ABCB5: variants seen among roughly 807,000 people sequenced by gnomAD.
ABCB5 encodes ATP binding cassette subfamily B member 5.
In ABCB5, 155 loss-of-function variants were observed where a neutral mutation model predicts 144.2. That is an observed-to-expected ratio of 1.08 (90% confidence interval 0.94 to 1.23). The LOEUF is 1.23. Among genes scored for constraint, ABCB5 ranks in the 50% most tolerant of loss-of-function variants. ABCB5 has a pLI of 0.00. For synonymous variants in ABCB5, 610 were observed against 528.6 expected (o/e 1.15, Z -2.11); for missense variants, 1,830 against 1,520.8 (o/e 1.20, Z -3.38).
At chr7:20,707,421 A>G (rs1199525510) in intron 20 of ABCB5, among the ~76,000 whole-genome samples, 2 of 152,246 alleles carry the variant, frequency 1.3e-5, no homozygotes, top group African/African-American at 4.8e-5. Context: ...GGAATAGCCT[A>G]TTGCCAGTAC....
chr7:20,627,146 A>G (rs1783927120), intron 3 of ABCB5, among the ~76,000 whole-genome samples: 12 of 152,180 alleles, frequency 7.9e-5, no homozygotes, highest in Admixed American at 7.9e-4. Context: ...ATGTGTTCCC[A>G]GACATGGTCT....
intron 5 of ABCB5, among the ~76,000 whole-genome samples, chr7:20,642,730 C>T (rs533478438): frequency 1.3e-3 from 203 of 152,198 alleles, no homozygotes; most frequent in Non-Finnish European, 1.9e-3. Flanking sequence ...GCTGCAAAGA[C>T]CAGTTATATA....
intron 7 of ABCB5, 70 bp downstream of exon 7, chr7:20,643,702 T>C (rs2128023068): frequency 6.5e-7 from 1 of 1,548,884 alleles, no homozygotes; most frequent in Non-Finnish European, 8.8e-7. Flanking sequence ...CTGAGTTTGT[T>C]CAAAAATGGC....
chr7:20,723,664 T>C (rs1781944063), intron 21 of ABCB5, among the ~76,000 whole-genome samples: 1 of 152,262 alleles, frequency 6.6e-6, no homozygotes, highest in Non-Finnish European at 1.5e-5. Context: ...CACGTACTAA[T>C]GTCAGCCATT....
rs576114716 is a variant in ABCB5 at position 20,742,009 on chromosome 7, G to A, written c.3025-868G>A. 3.9e-5 allele frequency among the ~76,000 whole-genome samples: 6 copies of A among 152,288 alleles called. 1 individual carries two copies. The South Asian group carries it at 1.0e-3, about 26-fold the overall frequency. The stretch of plus-strand genomic sequence containing the variant: ...GTATTGGTTTAGAAATCATTAACCA[G>A]TAAAGAGATTGATGCACAGAGAGAA... On this transcript the variant is annotated intron_variant, in intron 24 of 27. Coordinates refer to ENST00000404938, the MANE Select transcript of ABCB5 (RefSeq NM_001163941.2).
At chr7:20,666,930 C>T in intron 14 of ABCB5, 1 of 1,206,350 alleles carries the variant, frequency 8.3e-7, no homozygotes, top group Non-Finnish European at 1.1e-6. Context: ...GCTTTGGCTG[C>T]CAAAATCTCT....
intron 23 of ABCB5, among the ~76,000 whole-genome samples, chr7:20,730,481 C>T (rs1782173446): frequency 6.6e-6 from 1 of 152,178 alleles, no homozygotes; most frequent in Admixed American, 6.5e-5. Context: ...TGCACTCTAG[C>T]CTGGATGACA....
chr7:20,618,486 T>C (rs1281266812), intron 1 of ABCB5, among the ~76,000 whole-genome samples: 1 of 152,184 alleles, frequency 6.6e-6, no homozygotes, highest in Non-Finnish European at 1.5e-5. Context: ...ACACTGAGGA[T>C]TGAGGTGTGA....
At chr7:20,729,426 T>C (rs1458899546) in intron 23 of ABCB5, among the ~76,000 whole-genome samples, 2 of 152,156 alleles carry the variant, frequency 1.3e-5, no homozygotes, top group South Asian at 2.1e-4. Flanking sequence ...GAAACACATA[T>C]AAATGAGTGT....
chr7:20,701,025 A>G (rs17218211), intron 19 of ABCB5, among the ~76,000 whole-genome samples: 29,252 of 152,186 alleles, frequency 0.19, 3,062 homozygotes, highest in Admixed American at 0.25. Context: ...ACAAAACGGA[A>G]AGAAGCAAGT....
At chr7:20,692,788 T>C (rs555654480) in intron 16 of ABCB5, among the ~76,000 whole-genome samples, 26 of 152,200 alleles carry the variant, frequency 1.7e-4, no homozygotes, top group Non-Finnish European at 2.9e-4. Context: ...TGTCTGAAGG[T>C]AGATTGTGAT....
rs78856625 is a variant in ABCB5, at chr7:20,737,171, G to A, written c.2868-1812G>A. Among the ~76,000 whole-genome samples the A allele has an allele frequency of 1.5e-4, 22 of 150,626 alleles. No homozygotes were observed. The South Asian group carries it at 3.4e-3, about 23-fold the overall frequency. On this transcript the variant is annotated intron_variant, in intron 23 of 27. Coordinates refer to ENST00000404938, the MANE Select transcript of ABCB5 (RefSeq NM_001163941.2). Reference sequence around the variant, plus strand: ...AGACTCTGTCTTAAAAAAAAAAAAAGATGAAGAAGATTAGTGTCCCTCACT... The same window carrying A: ...AGACTCTGTCTTAAAAAAAAAAAAAAATGAAGAAGATTAGTGTCCCTCACT...
chr7:20,619,000 C>A (rs1052342582), intron 1 of ABCB5, among the ~76,000 whole-genome samples: 7 of 151,916 alleles, frequency 4.6e-5, no homozygotes, highest in Admixed American at 4.6e-4. Context: ...CTCTCAAACT[C>A]CTGGCCTCAA....
At chr7:20,627,539 T>A (rs1208338373) in intron 3 of ABCB5, among the ~76,000 whole-genome samples, 1 of 152,198 alleles carries the variant, frequency 6.6e-6, no homozygotes, top group Non-Finnish European at 1.5e-5. Context: ...AAACAATCCA[T>A]ATTTTCAATT....
chr7:20,685,843 G>T lies in ABCB5; in HGVS notation c.2010+7G>T, dbSNP rs138061453. On this transcript the variant is annotated splice_region_variant and intron_variant, in intron 16 of 27. Coordinates refer to ENST00000404938, the MANE Select transcript of ABCB5 (RefSeq NM_001163941.2). ...ATCCACCCAATCTAAAGAGGTAATGGCTCAGCGATCAACCAGTTTTTCCTG... is the reference window on the plus strand; with the variant it reads ...ATCCACCCAATCTAAAGAGGTAATGTCTCAGCGATCAACCAGTTTTTCCTG... 2 of 1,575,498 alleles carry T rather than the reference G, an allele frequency of 1.3e-6. No homozygotes were observed. Among genetic ancestry groups the T allele is most frequent in the East Asian group, 2.3e-5 (1 of 44,058 alleles).
At chr7:20,741,401 A>T (rs1231191876) in intron 24 of ABCB5, among the ~76,000 whole-genome samples, 1 of 152,064 alleles carries the variant, frequency 6.6e-6, no homozygotes, top group Non-Finnish European at 1.5e-5. Flanking sequence ...CCTTTTTTAT[A>T]CAAATGCAGA....
chr7:20,697,916 C>T (rs1473206749), intron 16 of ABCB5, among the ~76,000 whole-genome samples: 4 of 152,190 alleles, frequency 2.6e-5, no homozygotes, highest in Non-Finnish European at 5.9e-5. Flanking sequence ...AACTCCAAAA[C>T]AAGCCAAGGT....
rs1391636389 is a variant in ABCB5 at position 20,728,492 on chromosome 7, A to T, written c.2867+37A>T. 3.1e-6 allele frequency: 5 copies of T among 1,604,900 alleles called. No homozygotes were observed. The African/African-American group carries it at 6.7e-5, about 22-fold the overall frequency. On this transcript the variant is annotated intron_variant, in intron 23 of 27. Transcript: ENST00000404938. ...AAATAGTCCGGACCTGGTAGCTCAC[A>T]CCTGTAATTCCAACACTTTGAGAGG...
intron 21 of ABCB5, among the ~76,000 whole-genome samples, chr7:20,725,986 G>GTCT (rs1440539369): frequency 6.6e-6 from 1 of 152,104 alleles, no homozygotes; most frequent in African/African-American, 2.4e-5. Context: ...TGTCTACCTG[G>GTCT]TCTTCTCTGT....
Sources: allele counts gnomAD v4.1 joint callset (sites outside exome capture counted in the v4.1 genomes callset), GRCh38; gene constraint gnomAD v4.1.1; transcripts MANE v1.5; gene names NCBI Gene and HGNC (gene_info 2026-07-23, HGNC 2026-07-21).